ADAMDEC1: variants seen among roughly 807,000 people sequenced by gnomAD.
ADAMDEC1 encodes ADAM DEC1.
ADAMDEC1 carries 62 observed loss-of-function variants against 60.4 expected under a neutral mutation model. The ratio of observed to expected loss-of-function variants is 1.03; its 90% CI spans 0.84 to 1.27. The LOEUF is 1.27. ADAMDEC1 is among the 50% of genes most tolerant of loss of function. The pLI, the probability that ADAMDEC1 is intolerant of heterozygous loss-of-function variation, is 0.00. For missense variants in ADAMDEC1, 595 were observed against 565.0 expected (o/e 1.05, Z -0.54); for synonymous variants, 210 against 195.1 (o/e 1.08, Z -0.64).
In ADAMDEC1 at chr8:24,400,253, C is replaced by A. The variant is rs759857391; in HGVS notation, c.1095C>A (p.Phe365Leu). The A allele has an allele frequency of 2.5e-6, 4 of 1,611,938 alleles. No homozygotes were observed. The highest frequency in any genetic ancestry group is 3.4e-6 in the Non-Finnish European group (4 of 1,178,810). The part of the protein sequence containing the change: ...GHVLGMPDVP[F>L]NTKCPSGSCV... ...TCCTTGGTATGCCTGATGTTCCATT[C>A]AACACCAAGTGTCCCTCTGGCAGTT... Residue 365 changes from phenylalanine (F) to leucine (L), a missense_variant, in exon 11 of 14, where the codon TTC (phenylalanine) becomes TTA (leucine). Transcript: ENST00000256412.
intron 5 of ADAMDEC1, among the ~76,000 whole-genome samples, chr8:24,396,301 A>G (rs1200494187): frequency 6.6e-6 from 1 of 152,100 alleles, no homozygotes. Flanking sequence ...AGGAGGTCAG[A>G]AGATTGAGAC....
At chr8:24,397,799 C>T (rs1164351371) in intron 7 of ADAMDEC1, 54 bp downstream of exon 7, 8 of 1,527,592 alleles carry the variant, frequency 5.2e-6, no homozygotes, top group African/African-American at 2.8e-5. Context: ...TTTAAGTTTA[C>T]TTATCAAGCA....
chr8:24,400,972 T>C (rs1334999723), intron 11 of ADAMDEC1, among the ~76,000 whole-genome samples: 3 of 57,474 alleles, frequency 5.2e-5, no homozygotes, highest in Non-Finnish European at 1.4e-4. Context: ...GAACTCATCA[T>C]TTTTTTATGG....
At chr8:24,385,236 A>T (rs1817263114) in intron 1 of ADAMDEC1, among the ~76,000 whole-genome samples, 1 of 152,166 alleles carries the variant, frequency 6.6e-6, no homozygotes, top group Non-Finnish European at 1.5e-5. Flanking sequence ...TCCATGTATA[A>T]ACACATTTGT....
chr8:24,395,833 G>A (rs933103943), intron 5 of ADAMDEC1, 37 bp downstream of exon 5: 3 of 1,525,014 alleles, frequency 2.0e-6, no homozygotes, highest in African/African-American at 2.8e-5. Flanking sequence ...AGATCAAGAA[G>A]CTTTTTGTTA....
chr8:24,405,444 G>T lies in ADAMDEC1; in HGVS notation c.*146G>T. The T allele has an allele frequency of 2.4e-6, 2 of 824,960 alleles. No homozygotes were observed. Among genetic ancestry groups the T allele is most frequent in the East Asian group, 2.8e-5 (1 of 36,058 alleles). The allele number at this position is 824,960 out of a possible 1,614,324, so 51.1% of individuals were successfully genotyped here. A position where few individuals can be genotyped will look rare whatever the true frequency, so the allele number is the denominator to read the frequency against. On this transcript the variant is annotated 3_prime_UTR_variant, in exon 14 of 14. Transcript: ENST00000256412. ...TATATTGTTATCAGTCCAGGAAACA[G>T]GTAAACAGATGTAATTAGAGACATT...
intron 2 of ADAMDEC1, among the ~76,000 whole-genome samples, chr8:24,392,886 G>GTTT (rs34415946): frequency 0.014 from 692 of 50,170 alleles, 76 homozygotes; most frequent in Non-Finnish European, 0.022. Flanking sequence ...GGGTTGAGAG[G>GTTT]TTTTTTTTTT....
Position 24,400,199 on chromosome 8 carries a change from A to G in ADAMDEC1, c.1041A>G (p.Val347=). The change falls in exon 11 of 14, where the codon GTA becomes GTG. Residue 347 remains valine (V), a synonymous_variant. Transcript: ENST00000256412. ...EAKKKNNVAL[V]GVMSHELGHV... is the part of the protein sequence containing the mutation. ...AAAAAAAGAATAATGTGGCTCTTGT[A>G]GGAGTGATGTCACATGAGCTGGGCC... 6.2e-7 allele frequency: 1 copy of G among 1,603,376 alleles called. No individual in the cohort carries two copies. Among genetic ancestry groups the G allele is most frequent in the Non-Finnish European group, 8.5e-7 (1 of 1,175,524 alleles).
rs535156195 is a variant in ADAMDEC1 at position 24,405,040 on chromosome 8, T to A, written c.1407-252T>A. Among the ~76,000 whole-genome samples, 3 of 152,276 alleles carry A rather than the reference T, an allele frequency of 2.0e-5. No individual in the cohort carries two copies. The South Asian group carries it at 6.2e-4, about 32-fold the overall frequency. On this transcript the variant is annotated intron_variant, in intron 13 of 13. Transcript: ENST00000256412. ...TGTGCAAGATAGGCAATTTATACCATGGAAGAAAATTGGAGGTGGACTCAG... is the reference window on the plus strand; with the variant it reads ...TGTGCAAGATAGGCAATTTATACCAAGGAAGAAAATTGGAGGTGGACTCAG...
intron 11 of ADAMDEC1, among the ~76,000 whole-genome samples, chr8:24,400,632 CAT>C (rs35748437): frequency 0.15 from 21,339 of 145,602 alleles, 2,148 homozygotes; most frequent in African/African-American, 0.29. Context: ...TGTTTCTTTT[CAT>C]ATATATATAT....
intron 10 of ADAMDEC1, 93 bp from the exon 11 acceptor site, chr8:24,400,077 A>C: frequency 9.7e-7 from 1 of 1,032,220 alleles, no homozygotes; most frequent in Non-Finnish European, 1.3e-6. Context: ...CTAACAATTC[A>C]CTAGTTTTCA....
intron 6 of ADAMDEC1, 55 bp downstream of exon 6, chr8:24,397,511 G>A (rs1817646987): frequency 3.8e-6 from 6 of 1,578,846 alleles, no homozygotes; most frequent in Non-Finnish European, 8.7e-7. Flanking sequence ...GCAAAGATAG[G>A]CAATATACTA....
intron 1 of ADAMDEC1, among the ~76,000 whole-genome samples, chr8:24,386,427 T>C (rs535262012): frequency 6.6e-6 from 1 of 152,276 alleles, no homozygotes; most frequent in Non-Finnish European, 1.5e-5. Context: ...CAGCATTACA[T>C]TTGTATTGCT....
In ADAMDEC1 at chr8:24,386,974, T is replaced by G. The variant is rs1817308731; in HGVS notation, c.88+2382T>G. ...TGTTCCCACAACTCATCATATTCTGTTCACCAGAGGGGGTATTTACTGGTC... is the reference window on the plus strand; with the variant it reads ...TGTTCCCACAACTCATCATATTCTGGTCACCAGAGGGGGTATTTACTGGTC... On this transcript the variant is annotated intron_variant, in intron 1 of 13. Coordinates refer to ENST00000256412, the MANE Select transcript of ADAMDEC1 (RefSeq NM_014479.3). Among the ~76,000 whole-genome samples, 5 of 152,266 alleles carry G rather than the reference T, an allele frequency of 3.3e-5. No homozygotes were observed. In the South Asian group the frequency reaches 1.0e-3, roughly 32 times the overall value.
chr8:24,401,132 C>T (rs1484903220), intron 11 of ADAMDEC1, among the ~76,000 whole-genome samples: 2 of 152,052 alleles, frequency 1.3e-5, no homozygotes, highest in Non-Finnish European at 2.9e-5. Context: ...GTTGAATGGA[C>T]ATATCTTTTC....
chr8:24,386,034 T>C (rs2129356165), intron 1 of ADAMDEC1, among the ~76,000 whole-genome samples: 1 of 152,256 alleles, frequency 6.6e-6, no homozygotes, highest in Middle Eastern at 3.4e-3. Context: ...TGAAACTTGT[T>C]TCTATTAATA....
Position 24,402,069 on chromosome 8 carries a change from G to C in ADAMDEC1, c.1297G>C (p.Asp433His). 6.2e-7 allele frequency: 1 copy of C among 1,611,670 alleles called. No individual in the cohort carries two copies. The highest frequency in any genetic ancestry group is 8.5e-7 in the Non-Finnish European group (1 of 1,178,472). The change falls in exon 12 of 14, where the codon GAC becomes CAC. Residue 433 changes from aspartate to histidine, a missense_variant. Transcript: ENST00000256412. The stretch of plus-strand genomic sequence containing the variant: ...GAACCACCTTCTAGAAGTGGGAGAA[G>C]ACTGTGATTGTGGCTCTCCTAAGGT... ...CGNHLLEVGE[D>H]CDCGSPKECT...
chr8:24,394,740 A>AT, intron 4 of ADAMDEC1, among the ~76,000 whole-genome samples: 1 of 151,714 alleles, frequency 6.6e-6, no homozygotes, highest in Middle Eastern at 3.4e-3. Flanking sequence ...ATTTCTCTAT[A>AT]TAAAAAAAAA....
At chr8:24,402,514 G>A (rs1817791147) in intron 12 of ADAMDEC1, among the ~76,000 whole-genome samples, 1 of 151,884 alleles carries the variant, frequency 6.6e-6, no homozygotes, top group African/African-American at 2.4e-5. Context: ...AGAAGAAAGA[G>A]GAAAAGAAAA....
Sources: gnomAD v4.1 joint callset for allele counts (sites outside exome capture counted in the v4.1 genomes callset) on GRCh38, gnomAD v4.1.1 for gene constraint, MANE v1.5 for transcripts, NCBI Gene and HGNC (gene_info 2026-07-23, HGNC 2026-07-21) for gene names.